The following LHFPL3 variants were observed in gnomAD, a reference collection of about 807,000 sequenced individuals.
LHFPL3 encodes LHFPL tetraspan subfamily member 3, also known as LHFPL tetraspan subfamily member 3 protein.
Under a neutral mutation model 19.3 loss-of-function variants are expected in LHFPL3, and 5 were observed. That is an observed-to-expected ratio of 0.26 (90% CI 0.14 to 0.54). The LOEUF is 0.54. Among genes scored for constraint, LHFPL3 ranks in the 20% least tolerant of loss-of-function variants. The probability of loss-of-function intolerance (pLI) is 0.94; values close to 1 mark genes in which losing one functional copy is unlikely to be tolerated. For missense variants in LHFPL3, 249 were observed against 307.4 expected (o/e 0.81, Z 1.42); for synonymous variants, 133 against 126.2 (o/e 1.05, Z -0.36).
chr7:104,376,745 C>T (rs990912887), intron 1 of LHFPL3, among the ~76,000 whole-genome samples: 11 of 152,140 alleles, frequency 7.2e-5, no homozygotes, highest in African/African-American at 2.4e-4. Flanking sequence ...TGGGAGCAAG[C>T]CTTGGCGACA....
intron 2 of LHFPL3, 77 bp downstream of exon 2, chr7:104,736,988 A>C: frequency 1.8e-6 from 2 of 1,136,274 alleles, no homozygotes; most frequent in Non-Finnish European, 2.6e-6. Context: ...TTCCCCTCAA[A>C]TACTAGTGCT....
At chr7:104,868,745 C>T (rs867788153) in intron 2 of LHFPL3, among the ~76,000 whole-genome samples, 23 of 152,176 alleles carry the variant, frequency 1.5e-4, no homozygotes, top group South Asian at 4.1e-4. Context: ...CATATAGAAC[C>T]AAAAAAGAGC....
intron 2 of LHFPL3, among the ~76,000 whole-genome samples, chr7:104,739,806 C>T (rs904498377): frequency 1.3e-5 from 2 of 152,192 alleles, no homozygotes; most frequent in African/African-American, 4.8e-5. Context: ...TATCTCAAGA[C>T]TTGGCTCAAC....
chr7:104,429,482 T>G (rs1367120613), intron 1 of LHFPL3, among the ~76,000 whole-genome samples: 1 of 147,744 alleles, frequency 6.8e-6, no homozygotes, highest in Non-Finnish European at 1.5e-5. Context: ...TATTTTTTGT[T>G]TTGTTTTTTT....
intron 2 of LHFPL3, among the ~76,000 whole-genome samples, chr7:104,859,691 A>G (rs62485395): frequency 0.22 from 32,899 of 152,134 alleles, 3,826 homozygotes; most frequent in South Asian, 0.39. Flanking sequence ...TAAATAAAGT[A>G]TAAGTAGAGG....
intron 2 of LHFPL3, among the ~76,000 whole-genome samples, chr7:104,880,015 C>T (rs188959592): frequency 1.3e-5 from 2 of 151,840 alleles, no homozygotes; most frequent in African/African-American, 4.8e-5. Context: ...AACATAGCAA[C>T]ATAGTGAGAA....
intron 1 of LHFPL3, among the ~76,000 whole-genome samples, chr7:104,588,017 C>A (rs1161823112): frequency 1.3e-5 from 2 of 152,054 alleles, no homozygotes; most frequent in Admixed American, 1.3e-4. Context: ...TGGATATTAG[C>A]CCGTTGTCAG....
intron 2 of LHFPL3, among the ~76,000 whole-genome samples, chr7:104,755,803 A>T (rs1320208757): frequency 6.6e-6 from 1 of 152,062 alleles, no homozygotes; most frequent in Non-Finnish European, 1.5e-5. Flanking sequence ...TCAAGCGATT[A>T]TCCTGCCTCA....
chr7:104,901,752 T>C (rs1792489331), intron 2 of LHFPL3, among the ~76,000 whole-genome samples: 1 of 151,966 alleles, frequency 6.6e-6, no homozygotes, highest in Non-Finnish European at 1.5e-5. Flanking sequence ...TTATTTTCTG[T>C]AGACACAGCA....
intron 2 of LHFPL3, among the ~76,000 whole-genome samples, chr7:104,763,672 G>A (rs186248067): frequency 2.0e-5 from 3 of 152,330 alleles, no homozygotes; most frequent in East Asian, 3.9e-4. Flanking sequence ...TCTTCCTGGT[G>A]TGGATCTTGA....
intron 1 of LHFPL3, among the ~76,000 whole-genome samples, chr7:104,545,475 G>C (rs771517217): frequency 1.3e-5 from 2 of 152,150 alleles, no homozygotes; most frequent in Admixed American, 6.5e-5. Context: ...CTGTTTGCTT[G>C]AATTACAGTA....
chr7:104,429,501 A>G (rs42178), intron 1 of LHFPL3, among the ~76,000 whole-genome samples: 10,138 of 150,116 alleles, frequency 0.068, 463 homozygotes, highest in East Asian at 0.22. Context: ...TTTTTAGTAG[A>G]GATGGGGTTT....
At chr7:104,464,394 C>G (rs1426595624) in intron 1 of LHFPL3, among the ~76,000 whole-genome samples, 1 of 152,204 alleles carries the variant, frequency 6.6e-6, no homozygotes, top group African/African-American at 2.4e-5. Flanking sequence ...TGGCCCTCTT[C>G]TCACAGCTCC....
chr7:104,398,077 T>C (rs1343170409), intron 1 of LHFPL3, among the ~76,000 whole-genome samples: 1 of 127,794 alleles, frequency 7.8e-6, no homozygotes, highest in Non-Finnish European at 1.7e-5. Flanking sequence ...TTTTTTTTTG[T>C]AAGTCTCTAC....
At chr7:104,342,349 G>T (rs1241094067) in intron 1 of LHFPL3, among the ~76,000 whole-genome samples, 1 of 152,042 alleles carries the variant, frequency 6.6e-6, no homozygotes, top group Non-Finnish European at 1.5e-5. Context: ...AAACTTTAGG[G>T]ACTTTTCAGA....
intron 1 of LHFPL3, among the ~76,000 whole-genome samples, chr7:104,519,700 G>A (rs557695826): frequency 1.2e-4 from 19 of 152,118 alleles, no homozygotes; most frequent in East Asian, 9.7e-4. Context: ...AGGTCATGGC[G>A]TTAATGACTG....
At chr7:104,402,749 A>G (rs1791339895) in intron 1 of LHFPL3, among the ~76,000 whole-genome samples, 1 of 152,200 alleles carries the variant, frequency 6.6e-6, no homozygotes, top group Non-Finnish European at 1.5e-5. Flanking sequence ...TTTTGCTTCT[A>G]TAGGACTCCA....
intron 2 of LHFPL3, among the ~76,000 whole-genome samples, chr7:104,840,395 C>A (rs1791176947): frequency 6.9e-6 from 1 of 145,682 alleles, no homozygotes; most frequent in African/African-American, 2.5e-5. Flanking sequence ...GACTATTACA[C>A]CCTCAGGTTC....
chr7:104,416,977 A>C (rs2116523903), intron 1 of LHFPL3, among the ~76,000 whole-genome samples: 1 of 152,298 alleles, frequency 6.6e-6, no homozygotes, highest in East Asian at 1.9e-4. Flanking sequence ...AGCGTTAATC[A>C]ATTCATGCAG....
Sources: gnomAD v4.1 joint callset for allele counts (sites outside exome capture counted in the v4.1 genomes callset) on GRCh38, gnomAD v4.1.1 for gene constraint, MANE v1.5 for transcripts, NCBI Gene and HGNC (gene_info 2026-07-23, HGNC 2026-07-21) for gene names.